The following MINDY3 variants were observed in gnomAD, a reference collection of about 807,000 sequenced individuals.
MINDY3 encodes the protein MINDY lysine 48 deubiquitinase 3, also known as ubiquitin carboxyl-terminal hydrolase MINDY-3.
In MINDY3, 38 loss-of-function variants were observed where a neutral mutation model predicts 69.2. That is an observed-to-expected ratio of 0.55 (90% CI 0.42 to 0.72). The LOEUF (loss-of-function observed/expected upper bound fraction) is 0.72. Among genes scored for constraint, MINDY3 ranks in the 30% least tolerant of loss-of-function variants. MINDY3 has a pLI of 0.00. For synonymous variants in MINDY3, 192 were observed against 180.1 expected, an observed-to-expected ratio of 1.07 and a Z score of -0.53; for missense variants, 522 against 519.0, an observed-to-expected ratio of 1.01 and a Z score of -0.06.
intron 12 of MINDY3, among the ~76,000 whole-genome samples, chr10:15,788,000 T>C (rs927406408): frequency 1.3e-5 from 2 of 152,092 alleles, no homozygotes; most frequent in Non-Finnish European, 2.9e-5. Context: ...ACTAACTTCA[T>C]GATTCAAGGT....
intron 10 of MINDY3, among the ~76,000 whole-genome samples, chr10:15,809,761 A>T (rs1838874038): frequency 6.6e-6 from 1 of 152,074 alleles, no homozygotes; most frequent in African/African-American, 2.4e-5. Context: ...TCATTTACAT[A>T]GGGTGGCTTA....
rs1192889266 is a variant in MINDY3 at position 15,837,208 on chromosome 10, G to A, written c.572C>T (p.Thr191Ile). The A allele has an allele frequency of 6.4e-7, 1 of 1,562,428 alleles. No homozygotes were observed. Among genetic ancestry groups the A allele is most frequent in the East Asian group, 2.3e-5 (1 of 44,042 alleles). ...VLLFLYSVLL[T>I]KGIENIKNEI... ...AAATCATCTTCTTGAACACACCTTT[G>A]TCAGTAATACAGAATACAGAAAAAG... Residue 191 changes from threonine (T) to isoleucine (I), a missense_variant, in exon 6 of 15, where the codon ACA becomes ATA. Transcript: ENST00000277632.
At chr10:15,817,817 T>C (rs912625474) in intron 9 of MINDY3, 2 of 152,234 alleles carry the variant, frequency 1.3e-5, no homozygotes, top group Non-Finnish European at 2.9e-5. Flanking sequence ...CAGCAGCCCC[T>C]GCTTCAACCA....
intron 3 of MINDY3, 90 bp from the exon 4 acceptor site, chr10:15,841,689 A>G: frequency 1.4e-6 from 1 of 709,200 alleles, no homozygotes; most frequent in Non-Finnish European, 2.2e-6. Flanking sequence ...TGGGTTAATG[A>G]TGAAAATCAA....
intron 13 of MINDY3, among the ~76,000 whole-genome samples, chr10:15,785,827 GTC>G (rs1469921334): frequency 3.3e-5 from 5 of 152,010 alleles, no homozygotes; most frequent in African/African-American, 1.2e-4. Context: ...TTGTCAATAT[GTC>G]TCTCTAATAA....
chr10:15,795,863 C>G (rs886129917), intron 11 of MINDY3, among the ~76,000 whole-genome samples: 18 of 151,958 alleles, frequency 1.2e-4, no homozygotes, highest in African/African-American at 4.1e-4. Context: ...CAAGATTAAT[C>G]AGAGGGGTCA....
chr10:15,834,345 A>C (rs933233093), intron 7 of MINDY3, among the ~76,000 whole-genome samples, 198 bp downstream of exon 7: 5 of 152,208 alleles, frequency 3.3e-5, no homozygotes, highest in African/African-American at 9.6e-5. Context: ...TGCCCCAATA[A>C]ATGCATACAT....
intron 7 of MINDY3, among the ~76,000 whole-genome samples, chr10:15,834,248 G>A (rs1201696019): frequency 6.6e-6 from 1 of 151,896 alleles, no homozygotes; most frequent in Non-Finnish European, 1.5e-5. Context: ...TTATTTCTAA[G>A]TCAAAATGAA....
intron 8 of MINDY3, among the ~76,000 whole-genome samples, chr10:15,830,068 C>A (rs747166531): frequency 1.3e-5 from 2 of 152,140 alleles, no homozygotes; most frequent in Non-Finnish European, 2.9e-5. Flanking sequence ...CAGTAAGGTA[C>A]AAATAACTAG....
At chr10:15,841,391 A>G in intron 4 of MINDY3, 35 bp downstream of exon 4, 1 of 1,544,422 alleles carries the variant, frequency 6.5e-7, no homozygotes, top group Non-Finnish European at 8.8e-7. Flanking sequence ...CAAAGGAACA[A>G]GAAAAAAACT....
intron 10 of MINDY3, among the ~76,000 whole-genome samples, chr10:15,815,909 C>T (rs1319349642): frequency 6.6e-6 from 1 of 152,126 alleles, no homozygotes; most frequent in African/African-American, 2.4e-5. Context: ...TGTGGAAAAA[C>T]ATGATATACA....
At chr10:15,795,242 G>A (rs746570743) in intron 11 of MINDY3, among the ~76,000 whole-genome samples, 1 of 151,974 alleles carries the variant, frequency 6.6e-6, no homozygotes, top group Non-Finnish European at 1.5e-5. Flanking sequence ...TGATACCTAA[G>A]AAAACAGTAG....
At position 15,802,686 on chromosome 10, in the gene MINDY3, C is replaced by G. The variant is rs1838348140; in HGVS notation, c.883-6514G>C. ...AAATGATAACAAACCCATTTGTTAGCTATTTAAACAGAAACTCTTTCTTTC... is the reference window on the plus strand; with the variant it reads ...AAATGATAACAAACCCATTTGTTAGGTATTTAAACAGAAACTCTTTCTTTC... On this transcript the variant is annotated intron_variant, in intron 10 of 14. Transcript: ENST00000277632. Among the ~76,000 whole-genome samples, 3 of 152,060 alleles carry G rather than the reference C, an allele frequency of 2.0e-5. 1 individual carries two copies. The South Asian group carries it at 6.2e-4, about 32-fold the overall frequency.
intron 13 of MINDY3, among the ~76,000 whole-genome samples, chr10:15,785,034 T>C (rs1836848524): frequency 6.6e-6 from 1 of 152,160 alleles, no homozygotes; most frequent in African/African-American, 2.4e-5. Context: ...ACCACATTGC[T>C]GCACCCACCC....
intron 9 of MINDY3, among the ~76,000 whole-genome samples, chr10:15,821,370 A>G (rs1588587767): frequency 6.6e-6 from 1 of 152,306 alleles, no homozygotes; most frequent in East Asian, 1.9e-4. Context: ...AAATAAATTC[A>G]TATTCAATAA....
Position 15,843,194 on chromosome 10 carries a change from A to G in MINDY3, c.235+18T>C, listed in dbSNP as rs1379092039. 1.9e-6 allele frequency: 3 copies of G among 1,605,470 alleles called. No homozygotes were observed. Among genetic ancestry groups the G allele is most frequent in the Non-Finnish European group, 2.6e-6 (3 of 1,173,536 alleles). On this transcript the variant is annotated intron_variant, in intron 3 of 14. Transcript: ENST00000277632. ...AAACAGAGGAGGAAGCAAAAGTTTT[A>G]AAAGACAGCTATCATACCTGAACAA...
intron 1 of MINDY3, 58 bp downstream of exon 1, chr10:15,860,148 G>T: frequency 7.7e-7 from 1 of 1,292,676 alleles, no homozygotes; most frequent in South Asian, 1.3e-5. Context: ...CGTCACAGGC[G>T]GACTCTCGCA....
Position 15,837,154 on chromosome 10 carries a change from G to T in MINDY3, c.576+50C>A, listed in dbSNP as rs1833137029. 5.0e-6 allele frequency: 5 copies of T among 998,094 alleles called. No homozygotes were observed. In the East Asian group the frequency reaches 1.3e-4, roughly 25 times the overall value. 61.8% of individuals were successfully genotyped at this position (998,094 alleles called of 1,614,324 possible). ...ATTACTCATCACTGCAGGAAAAACA[G>T]CACTGAACAACATTAATCAAAGGCA... On this transcript the variant is annotated intron_variant, in intron 6 of 14. Coordinates refer to ENST00000277632, the MANE Select transcript of MINDY3 (RefSeq NM_024948.4).
chr10:15,797,596 T>TA (rs545605915), intron 10 of MINDY3, among the ~76,000 whole-genome samples: 162 of 152,264 alleles, frequency 1.1e-3, no homozygotes, highest in African/African-American at 3.8e-3. Flanking sequence ...TGTAACATCA[T>TA]AAACGTGCAG....
Sources: gnomAD v4.1 joint callset for allele counts (sites outside exome capture counted in the v4.1 genomes callset) on GRCh38, gnomAD v4.1.1 for gene constraint, MANE v1.5 for transcripts, NCBI Gene and HGNC (gene_info 2026-07-23, HGNC 2026-07-21) for gene names.